ETFBKMT: variants seen among roughly 807,000 people sequenced by gnomAD.
The protein encoded by ETFBKMT is electron transfer flavoprotein beta subunit lysine methyltransferase.
ETFBKMT carries 13 observed loss-of-function variants against 18.3 expected under a neutral mutation model. The ratio of observed to expected loss-of-function variants is 0.71; its 90% confidence interval spans 0.46 to 1.13. The LOEUF is 1.13. Ranked by LOEUF, ETFBKMT falls within the 50% of genes most tolerant of loss-of-function variation. The pLI is 0.00. For missense variants in ETFBKMT, 293 were observed against 306.2 expected, an observed-to-expected ratio of 0.96 and a Z score of 0.32; for synonymous variants, 84 against 107.9, an observed-to-expected ratio of 0.78 and a Z score of 1.37.
upstream of ETFBKMT, among the ~76,000 whole-genome samples, chr12:31,655,095 T>TAA (rs34577716): frequency 7.8e-3 from 1,026 of 132,052 alleles, 16 homozygotes; most frequent in African/African-American, 0.026. Context: ...AACAAAAAGA[T>TAA]AAAAAAAAAA....
intron 1 of ETFBKMT, among the ~76,000 whole-genome samples, chr12:31,649,269 G>A (rs1013884966): frequency 2.0e-5 from 3 of 152,188 alleles, no homozygotes; most frequent in South Asian, 2.1e-4. Flanking sequence ...TTCAATCTGC[G>A]GTTGGTTGAA....
At chr12:31,650,626 C>CTTTTTTTTTTT (rs543201341) in intron 1 of ETFBKMT, among the ~76,000 whole-genome samples, 5,784 of 139,976 alleles carry the variant, frequency 0.041, 235 homozygotes, top group South Asian at 0.064. Flanking sequence ...AATGACCTGA[C>CTTTTTTTTTTT]CTTTTTTTTT....
At chr12:31,655,156 T>A (rs1951051201), upstream of ETFBKMT, among the ~76,000 whole-genome samples, 1 of 151,828 alleles carries the variant, frequency 6.6e-6, no homozygotes, top group Non-Finnish European at 1.5e-5. Context: ...CTGAATATAT[T>A]CACTATCTTG....
At chr12:31,667,590 T>G in intron 3 of ETFBKMT, 57 bp from the exon 4 acceptor site, 1 of 1,197,050 alleles carries the variant, frequency 8.4e-7, no homozygotes, top group Non-Finnish European at 1.2e-6. Context: ...TTAATCAACA[T>G]GGAATTATAA....
At chr12:31,649,955 C>G (rs1951001617) in intron 1 of ETFBKMT, among the ~76,000 whole-genome samples, 1 of 150,316 alleles carries the variant, frequency 6.7e-6, no homozygotes, top group South Asian at 2.1e-4. Flanking sequence ...TGGGGTTTTG[C>G]CATATTGGCC....
chr12:31,667,520 A>G, intron 3 of ETFBKMT, 127 bp from the exon 4 acceptor site: 1 of 765,640 alleles, frequency 1.3e-6, no homozygotes, highest in Non-Finnish European at 2.0e-6. Flanking sequence ...TCTCTACTTT[A>G]AAAAACAACT....
intron 1 of ETFBKMT, among the ~76,000 whole-genome samples, chr12:31,648,403 C>T (rs1307951558): frequency 3.4e-5 from 5 of 148,104 alleles, no homozygotes; most frequent in Non-Finnish European, 7.4e-5. Flanking sequence ...GCTCTTTTGC[C>T]CAGGCTGGAG....
chr12:31,650,732 A>G (rs574844803), intron 1 of ETFBKMT, among the ~76,000 whole-genome samples: 3 of 151,358 alleles, frequency 2.0e-5, no homozygotes, highest in African/African-American at 7.3e-5. Flanking sequence ...GCAATGAAAG[A>G]GTTAAGGACG....
chr12:31,665,799 G>T (rs1951186462), intron 2 of ETFBKMT, among the ~76,000 whole-genome samples: 1 of 151,518 alleles, frequency 6.6e-6, no homozygotes, highest in Non-Finnish European at 1.5e-5. Flanking sequence ...GTTATCTGCA[G>T]CAGGAGCATG....
chr12:31,656,539 C>T (rs1254690921), upstream of ETFBKMT, among the ~76,000 whole-genome samples: 17 of 152,166 alleles, frequency 1.1e-4, no homozygotes, highest in Admixed American at 1.1e-3. Context: ...ACACAGATAG[C>T]CTGCTGATGA....
chr12:31,672,693 G>A lies in ETFBKMT; in HGVS notation c.*4703G>A. 1 of 200,766 alleles carries A rather than the reference G, an allele frequency of 5.0e-6. No individual in the cohort carries two copies. The highest frequency in any genetic ancestry group is 1.1e-4 in the South Asian group (1 of 9,204). The allele number at this position is 200,766 out of a possible 1,614,324, so 12.4% of individuals were successfully genotyped here. ...AATTTCACCATTAACCTGTGTTAAT[G>A]GTTAATAACTTTTTTCAGGATCTTA... On this transcript the variant is annotated 3_prime_UTR_variant, in exon 4 of 4. Transcript: ENST00000357721.
chr12:31,655,540 G>C (rs1397221416), upstream of ETFBKMT, among the ~76,000 whole-genome samples: 1 of 152,106 alleles, frequency 6.6e-6, no homozygotes, highest in East Asian at 1.9e-4. Context: ...ATCTTCCCAA[G>C]TGCAAAAACA....
At chr12:31,653,779 T>C (rs541946274) in intron 1 of ETFBKMT, among the ~76,000 whole-genome samples, 135 of 152,236 alleles carry the variant, frequency 8.9e-4, no homozygotes, top group African/African-American at 3.1e-3. Context: ...GAAACCTGTC[T>C]CTACTGAAAA....
Position 31,651,579 on chromosome 12 carries a change from G to T in ETFBKMT, c.-114+4324G>T, listed in dbSNP as rs557061301. On this transcript the variant is annotated intron_variant, in intron 1 of 3. Coordinates refer to the ETFBKMT transcript ENST00000412352. ...TCCTGACCTCAGGTGTGATCTAGCC[G>T]CCTCCGCCTCCCAAAGTGCTGAGAT... Among the ~76,000 whole-genome samples the T allele has an allele frequency of 3.9e-5, 6 of 152,152 alleles. No homozygotes were observed. The South Asian group carries it at 1.2e-3, about 32-fold the overall frequency.
intron 2 of ETFBKMT, among the ~76,000 whole-genome samples, chr12:31,664,035 C>T (rs1191088043): frequency 6.6e-6 from 1 of 151,216 alleles, no homozygotes; most frequent in Non-Finnish European, 1.5e-5. Context: ...TTCATATGTC[C>T]TGTTTCTGCT....
At chr12:31,653,662 G>A (rs1447340215) in intron 1 of ETFBKMT, among the ~76,000 whole-genome samples, 1 of 152,196 alleles carries the variant, frequency 6.6e-6, no homozygotes, top group East Asian at 1.9e-4. Flanking sequence ...AAAGTCTAGG[G>A]AGAGGCCGGG....
In ETFBKMT at chr12:31,671,444, T is replaced by C. The variant is rs927269180; in HGVS notation, c.*3454T>C. 11 of 152,038 alleles carry C rather than the reference T, an allele frequency of 7.2e-5. No homozygotes were observed. The highest frequency in any genetic ancestry group is 1.9e-4 in the African/African-American group (8 of 41,318). 9.4% of individuals were successfully genotyped at this position (152,038 alleles called of 1,614,324 possible). A position where few individuals can be genotyped will look rare whatever the true frequency, so the allele number is the denominator to read the frequency against. On this transcript the variant is annotated 3_prime_UTR_variant, in exon 4 of 4. Coordinates refer to ENST00000357721, the MANE Select transcript of ETFBKMT (RefSeq NM_001135863.2). The stretch of plus-strand genomic sequence containing the variant: ...AGACTGGCTCATGGCAAAATGAATA[T>C]GCTAAATTTGGGGGTTGGTTTAAGC...
At chr12:31,652,086 C>G (rs1433684406) in intron 1 of ETFBKMT, among the ~76,000 whole-genome samples, 2 of 152,112 alleles carry the variant, frequency 1.3e-5, no homozygotes, top group African/African-American at 4.8e-5. Context: ...ACCAGGCTTC[C>G]CCTGCGCACA....
intron 1 of ETFBKMT, among the ~76,000 whole-genome samples, chr12:31,653,700 C>A (rs1592132042): frequency 6.6e-6 from 1 of 152,222 alleles, no homozygotes. Context: ...GTAATCCCAG[C>A]ACTTTGGGAG....
Sources: gnomAD v4.1 joint callset for allele counts (sites outside exome capture counted in the v4.1 genomes callset) on GRCh38, gnomAD v4.1.1 for gene constraint, MANE v1.5 for transcripts, NCBI Gene and HGNC (gene_info 2026-07-23, HGNC 2026-07-21) for gene names.